The following EYS variants were observed in gnomAD, a reference collection of about 807,000 sequenced individuals.
EYS encodes the protein protein eyes shut homolog.
A neutral mutation model predicts 282.1 loss-of-function variants in EYS; 250 were observed. The observed-to-expected ratio is 0.89, with a 90% CI of 0.80 to 0.98. The LOEUF (loss-of-function observed/expected upper bound fraction) is 0.98, where lower values mean the gene tolerates loss of function less well. Among genes scored for constraint, EYS ranks in the 50% least tolerant of loss-of-function variants. EYS has a pLI of 0.00. For missense variants in EYS, 4,016 were observed against 3,709.0 expected (o/e 1.08, Z -2.15); for synonymous variants, 1,355 against 1,282.9 (o/e 1.06, Z -1.20).
intron 1 of EYS, among the ~76,000 whole-genome samples, chr6:65,691,303 G>A (rs1442200365): frequency 1.3e-5 from 2 of 150,202 alleles, no homozygotes; most frequent in East Asian, 2.3e-4. Context: ...ACCTCATTGC[G>A]GTTTTGATTT....
rs918147035 is a variant in EYS at position 64,258,671 on chromosome 6, G to T, written c.6192-27847C>A. Among the ~76,000 whole-genome samples the T allele has an allele frequency of 8.5e-5, 13 of 152,164 alleles. No homozygotes were observed. In the South Asian group the frequency reaches 2.7e-3, roughly 32 times the overall value. ...ATTTACCTCAAGATATTAAGTCACT[G>T]CATTAAAGTATAAAGAAGAAAATGT... is the stretch of plus-strand genomic sequence containing the variant. On this transcript the variant is annotated intron_variant, in intron 30 of 42. Transcript: ENST00000503581.
At chr6:65,340,660 C>G (rs1245020773) in intron 10 of EYS, among the ~76,000 whole-genome samples, 1 of 151,176 alleles carries the variant, frequency 6.6e-6, no homozygotes, top group African/African-American at 2.4e-5. Flanking sequence ...ATACCCTCTA[C>G]AACTGACTCA....
chr6:65,680,153 GTTAAATTCA>G (rs1401836228), intron 1 of EYS, among the ~76,000 whole-genome samples: 6 of 150,764 alleles, frequency 4.0e-5, no homozygotes, highest in African/African-American at 1.5e-4. Context: ...TTACATTGAA[GTTAAATTCA>G]TTGTTTGACT....
In EYS at chr6:65,384,432, T is replaced by C. The variant is rs200542517; in HGVS notation, c.1253A>G (p.Asn418Ser). 6.6e-5 allele frequency: 107 copies of C among 1,609,718 alleles called. No individual in the cohort carries two copies. The Admixed American group carries it at 1.8e-3, about 27-fold the overall frequency. ...GAAACACCATTCTTCATTCAGACAGTTGATGCTGAGCAGTTTACAGTGGTC... is the reference window on the plus strand; with the variant it reads ...GAAACACCATTCTTCATTCAGACAGCTGATGCTGAGCAGTTTACAGTGGTC... ...AIDHCKLLSINCLNEEWCFNI... is the reference protein window; with the variant it reads ...AIDHCKLLSISCLNEEWCFNI... Residue 418 changes from asparagine to serine, a missense_variant, in exon 8 of 43, where the codon AAC becomes AGC. Physicochemically the swap from Asn to Ser is conservative, Grantham distance 46. Coordinates refer to ENST00000503581, the MANE Select transcript of EYS (RefSeq NM_001142800.2).
chr6:64,917,624 T>C (rs1369448705), intron 15 of EYS, among the ~76,000 whole-genome samples: 1 of 152,178 alleles, frequency 6.6e-6, no homozygotes, highest in Non-Finnish European at 1.5e-5. Flanking sequence ...AAACCAATTG[T>C]ACATGATCAT....
chr6:64,393,937 C>T (rs1170818548), intron 28 of EYS, among the ~76,000 whole-genome samples: 1 of 151,952 alleles, frequency 6.6e-6, no homozygotes, highest in Non-Finnish European at 1.5e-5. Flanking sequence ...AGCAAAGTCT[C>T]AGGATACAAA....
intron 2 of EYS, among the ~76,000 whole-genome samples, chr6:65,627,945 G>T (rs988078196): frequency 6.6e-6 from 1 of 152,238 alleles, no homozygotes; most frequent in Non-Finnish European, 1.5e-5. Context: ...GCGCAGGACT[G>T]GCAGGCAGCT....
intron 5 of EYS, among the ~76,000 whole-genome samples, chr6:65,448,687 C>G (rs989302680): frequency 6.6e-6 from 1 of 151,970 alleles, no homozygotes; most frequent in African/African-American, 2.4e-5. Context: ...CTCTTACAAA[C>G]ATATTTTTGA....
intron 33 of EYS, among the ~76,000 whole-genome samples, chr6:64,010,056 G>C (rs546473994): frequency 6.6e-6 from 1 of 151,470 alleles, no homozygotes; most frequent in Non-Finnish European, 1.5e-5. Context: ...TCTAACTCTG[G>C]GGGGTGGGGC....
intron 26 of EYS, among the ~76,000 whole-genome samples, chr6:64,496,107 A>G (rs1776881086): frequency 6.6e-6 from 1 of 151,848 alleles, no homozygotes. Context: ...ATGGGCTTTG[A>G]GGCTAGGGTG....
intron 12 of EYS, among the ~76,000 whole-genome samples, chr6:65,117,204 T>C (rs550704645): frequency 6.6e-6 from 1 of 152,296 alleles, no homozygotes; most frequent in South Asian, 2.1e-4. Flanking sequence ...GTGAACCAAA[T>C]GAACGAACCA....
At chr6:65,513,384 C>T (rs1171184052) in intron 2 of EYS, among the ~76,000 whole-genome samples, 1 of 152,068 alleles carries the variant, frequency 6.6e-6, no homozygotes. Context: ...GGTACCATTC[C>T]TTCTGAAACT....
At chr6:64,148,215 T>A (rs1448854178) in intron 31 of EYS, among the ~76,000 whole-genome samples, 2 of 152,174 alleles carry the variant, frequency 1.3e-5, no homozygotes, top group South Asian at 2.1e-4. Flanking sequence ...TTTCTATATA[T>A]GTATATGTGT....
intron 15 of EYS, among the ~76,000 whole-genome samples, chr6:64,934,253 T>C (rs1768827922): frequency 6.6e-6 from 1 of 151,890 alleles, no homozygotes; most frequent in Admixed American, 6.6e-5. Flanking sequence ...GATAATTGTG[T>C]CTGAGGATCA....
At chr6:65,271,492 C>A (rs967181459) in intron 12 of EYS, among the ~76,000 whole-genome samples, 1 of 152,050 alleles carries the variant, frequency 6.6e-6, no homozygotes, top group African/African-American at 2.4e-5. Flanking sequence ...ATGCTAATCT[C>A]TTCCAGAAAC....
intron 13 of EYS, among the ~76,000 whole-genome samples, chr6:65,006,972 C>T (rs899780436): frequency 6.6e-6 from 1 of 152,182 alleles, no homozygotes; most frequent in Non-Finnish European, 1.5e-5. Context: ...CTTGATGGGG[C>T]AGCTGGGTTG....
intron 41 of EYS, among the ~76,000 whole-genome samples, chr6:63,746,975 T>C (rs924738924): frequency 1.4e-4 from 22 of 152,180 alleles, no homozygotes; most frequent in African/African-American, 4.3e-4. Context: ...TTCTGCTAGC[T>C]TTTGAATTTT....
intron 26 of EYS, among the ~76,000 whole-genome samples, chr6:64,544,236 A>G (rs1764779519): frequency 6.6e-6 from 1 of 152,218 alleles, no homozygotes; most frequent in Non-Finnish European, 1.5e-5. Context: ...AGAGAATACA[A>G]TTTGGAATAA....
intron 36 of EYS, among the ~76,000 whole-genome samples, chr6:63,825,217 G>C (rs1211610246): frequency 6.6e-6 from 1 of 152,244 alleles, no homozygotes. Flanking sequence ...CTGGGAACCT[G>C]TCCCCCATCC....
Sources: gnomAD v4.1 joint callset for allele counts (sites outside exome capture counted in the v4.1 genomes callset) on GRCh38, gnomAD v4.1.1 for gene constraint, MANE v1.5 for transcripts, NCBI Gene and HGNC (gene_info 2026-07-23, HGNC 2026-07-21) for gene names.